NRIP3: variants seen among roughly 807,000 people sequenced by gnomAD.
NRIP3 encodes nuclear receptor interacting protein 3, also known as nuclear receptor-interacting protein 3.
NRIP3 carries 31 observed loss-of-function variants against 29.0 expected under a neutral mutation model. The observed-to-expected ratio is 1.07, with a 90% CI of 0.80 to 1.44. The LOEUF (loss-of-function observed/expected upper bound fraction) is 1.44. Among genes scored for constraint, NRIP3 ranks in the 40% most tolerant of loss-of-function variants. NRIP3 has a pLI of 0.00. For synonymous variants in NRIP3, 131 were observed against 118.3 expected, an observed-to-expected ratio of 1.11 and a Z score of -0.70; for missense variants, 314 against 297.9, an observed-to-expected ratio of 1.05 and a Z score of -0.40.
At position 8,988,252 on chromosome 11, in the gene NRIP3, T is replaced by A; in HGVS notation, c.205A>T (p.Met69Leu). The change falls in exon 2 of 7, where the codon ATG (methionine) becomes TTG (leucine). Residue 69 changes from methionine (M) to leucine (L), a missense_variant. Physicochemically the swap from Met to Leu is conservative, Grantham distance 15 (BLOSUM62 2). Transcript: ENST00000309166. ...CGGAGCTTAGACAGGTTGGTTTCCA[T>A]GAGGCGCCTCTGCAGAATATTATGA... Reference protein sequence around the residue: ...QPHNILQRRLMETNLSKLRSG... With the variant: ...QPHNILQRRLLETNLSKLRSG... The A allele has an allele frequency of 6.2e-7, 1 of 1,614,134 alleles. No individual in the cohort carries two copies.
At chr11:9,001,523 C>G (rs970445551) in intron 1 of NRIP3, among the ~76,000 whole-genome samples, 5 of 152,188 alleles carry the variant, frequency 3.3e-5, no homozygotes, top group Non-Finnish European at 5.9e-5. Flanking sequence ...TTTTCTTGGA[C>G]TCCTTCTATC....
In NRIP3 at chr11:8,980,746, C is replaced by T. The variant is rs920547909; in HGVS notation, c.*2799G>A. 1 of 152,166 alleles carries T rather than the reference C, an allele frequency of 6.6e-6. No homozygotes were observed. The highest frequency in any genetic ancestry group is 1.9e-4 in the East Asian group (1 of 5,194). The allele number at this position is 152,166 out of a possible 1,614,324, so 9.4% of individuals were successfully genotyped here. On this transcript the variant is annotated 3_prime_UTR_variant, in exon 7 of 7. Coordinates refer to ENST00000309166, the MANE Select transcript of NRIP3 (RefSeq NM_020645.3). ...AGCCTGGCAATATATTTCTATTACA[C>T]AAGAGTGAGGGCAGCTGACATACCA...
intron 1 of NRIP3, among the ~76,000 whole-genome samples, chr11:8,994,120 A>G (rs974905115): frequency 6.6e-6 from 1 of 152,220 alleles, no homozygotes; most frequent in South Asian, 2.1e-4. Flanking sequence ...TAACAACTTC[A>G]GGGCTATTGA....
intron 1 of NRIP3, among the ~76,000 whole-genome samples, chr11:8,998,917 C>T (rs1854754748): frequency 1.3e-5 from 2 of 151,692 alleles, no homozygotes; most frequent in African/African-American, 4.8e-5. Context: ...CCTCAGCCTC[C>T]CGAGTTTCCC....
chr11:8,995,535 T>C (rs890582790), intron 1 of NRIP3, among the ~76,000 whole-genome samples: 13 of 152,190 alleles, frequency 8.5e-5, no homozygotes, highest in Admixed American at 2.6e-4. Flanking sequence ...ACACCTGGAA[T>C]TGATCTGCTT....
At chr11:8,997,311 C>T (rs1007984903) in intron 1 of NRIP3, among the ~76,000 whole-genome samples, 1 of 139,238 alleles carries the variant, frequency 7.2e-6, no homozygotes, top group Non-Finnish European at 1.5e-5. Flanking sequence ...GGAGGCGGAT[C>T]GCACCACTGC....
intron 1 of NRIP3, among the ~76,000 whole-genome samples, chr11:8,992,436 G>A (rs1353704792): frequency 1.3e-5 from 2 of 151,924 alleles, no homozygotes; most frequent in African/African-American, 4.8e-5. Flanking sequence ...CCATAATGAA[G>A]GAAAAAAGAT....
At chr11:8,994,840 A>G (rs1318383691) in intron 1 of NRIP3, among the ~76,000 whole-genome samples, 1 of 152,086 alleles carries the variant, frequency 6.6e-6, no homozygotes, top group Non-Finnish European at 1.5e-5. Context: ...GTCACTCTAC[A>G]TATACTCCCA....
At chr11:8,997,343 G>A (rs1456378296) in intron 1 of NRIP3, among the ~76,000 whole-genome samples, 3 of 115,898 alleles carry the variant, frequency 2.6e-5, no homozygotes, top group African/African-American at 6.9e-5. Flanking sequence ...GTGAGAGAGC[G>A]AGACTCCGTC....
rs752113139 is a variant in NRIP3, at chr11:8,998,692, G to GTGTTACTT, written c.174+5062_174+5069dup. Among the ~76,000 whole-genome samples the GTGTTACTT allele has an allele frequency of 1.3e-3, 204 of 151,778 alleles. 1 individual carries two copies. Among genetic ancestry groups the GTGTTACTT allele is most frequent in the Admixed American group, 2.0e-3 (30 of 15,248 alleles). ...GGCAACTAGCACAGGCTTTCTGGTG[G>GTGTTACTT]TGTTACTTATCTTCTTCTAGAATTG... On this transcript the variant is annotated intron_variant, in intron 1 of 6. Transcript: ENST00000309166.
At chr11:8,987,118 G>C (rs866876354) in intron 3 of NRIP3, among the ~76,000 whole-genome samples, 1 of 152,136 alleles carries the variant, frequency 6.6e-6, no homozygotes, top group Admixed American at 6.5e-5. Flanking sequence ...TGTTTCTTGG[G>C]GACCTGCAAT....
At chr11:8,985,665 A>G in intron 4 of NRIP3, 46 bp downstream of exon 4, 3 of 1,590,360 alleles carry the variant, frequency 1.9e-6, no homozygotes, top group Non-Finnish European at 2.6e-6. Context: ...GGGTAGGGAG[A>G]GGGTTTCCGT....
At chr11:8,988,027 C>G (rs1371798544) in intron 2 of NRIP3, 91 bp downstream of exon 2, 2 of 1,252,724 alleles carry the variant, frequency 1.6e-6, no homozygotes, top group Non-Finnish European at 2.3e-6. Context: ...CTTATGAATT[C>G]CATGAGACCC....
At chr11:8,996,809 C>G (rs1056303341) in intron 1 of NRIP3, among the ~76,000 whole-genome samples, 1 of 152,188 alleles carries the variant, frequency 6.6e-6, no homozygotes, top group Admixed American at 6.5e-5. Flanking sequence ...AATCCCAGCA[C>G]TTTGGGAGGC....
chr11:8,983,570 G>C lies in NRIP3; in HGVS notation c.711-10C>G. Reference sequence around the variant, plus strand: ...TTATGCTTCTGAAGTGCTGAAATGAGAAATAAATATCAGGAGAAATAATGC... The same window carrying C: ...TTATGCTTCTGAAGTGCTGAAATGACAAATAAATATCAGGAGAAATAATGC... On this transcript the variant is annotated splice_polypyrimidine_tract_variant and intron_variant, in intron 6 of 6. Coordinates refer to ENST00000309166, the MANE Select transcript of NRIP3 (RefSeq NM_020645.3). 6.2e-7 allele frequency: 1 copy of C among 1,613,040 alleles called. No homozygotes were observed. Among genetic ancestry groups the C allele is most frequent in the Non-Finnish European group, 8.5e-7 (1 of 1,179,238 alleles).
At chr11:8,987,750 G>A in intron 2 of NRIP3, 120 bp from the exon 3 acceptor site, 1 of 776,940 alleles carries the variant, frequency 1.3e-6, no homozygotes, top group Non-Finnish European at 2.3e-6. Flanking sequence ...TCCCAATTAT[G>A]GGTTATAGTG....
chr11:9,004,115 T>TCGCGTCCCGCGTCTCGGGTCC, upstream of NRIP3: 1 of 479,244 alleles, frequency 2.1e-6, no homozygotes, highest in Non-Finnish European at 3.3e-6. Context: ...CGCGGCTCCC[T>TCGCGTCCCGCGTCTCGGGTCC]CGCGTCCCGC....
intron 4 of NRIP3, among the ~76,000 whole-genome samples, chr11:8,985,000 C>T (rs958930408): frequency 8.6e-5 from 13 of 151,548 alleles, no homozygotes; most frequent in Admixed American, 4.0e-4. Flanking sequence ...TAAAGGTATG[C>T]GCCACCAGTC....
At chr11:8,993,032 C>T (rs1324294055) in intron 1 of NRIP3, among the ~76,000 whole-genome samples, 1 of 152,062 alleles carries the variant, frequency 6.6e-6, no homozygotes, top group Non-Finnish European at 1.5e-5. Flanking sequence ...CATGCTTCAC[C>T]AAAGCAAGGG....
Sources: allele counts gnomAD v4.1 joint callset (sites outside exome capture counted in the v4.1 genomes callset), GRCh38; gene constraint gnomAD v4.1.1; transcripts MANE v1.5; gene names NCBI Gene and HGNC (gene_info 2026-07-23, HGNC 2026-07-21).